Variants in CAD observed in about 807,000 individuals in gnomAD.
CAD encodes the protein multifunctional protein CAD.
A neutral mutation model predicts 237.2 loss-of-function variants in CAD; 81 were observed. The ratio of observed to expected loss-of-function variants is 0.34; its 90% confidence interval spans 0.29 to 0.41. The LOEUF is 0.41. Among genes scored for constraint, CAD ranks in the 10% least tolerant of loss-of-function variants. The probability of loss-of-function intolerance (pLI) is 1.00; values close to 1 mark genes in which losing one functional copy is unlikely to be tolerated. For synonymous variants in CAD, 1,196 were observed against 1,162.8 expected (o/e 1.03, Z -0.58); for missense variants, 2,181 against 2,951.7 (o/e 0.74, Z 6.05).
chr2:27,239,831 G>A lies in CAD; in HGVS notation c.5496+33G>A. 1 of 1,440,490 alleles carries A rather than the reference G, an allele frequency of 6.9e-7. No homozygotes were observed. The highest frequency in any genetic ancestry group is 9.4e-7 in the Non-Finnish European group (1 of 1,067,070). The allele number at this position is 1,440,490 out of a possible 1,614,324, so 89.2% of individuals were successfully genotyped here. A position where few individuals can be genotyped will look rare whatever the true frequency, so the allele number is the denominator to read the frequency against. The stretch of plus-strand genomic sequence containing the variant: ...CACTACTGGGCTAGGGGGCTGGGAG[G>A]TGTTAGTCTCAGGGCAGGATGAACA... On this transcript the variant is annotated intron_variant, in intron 34 of 43. Coordinates refer to ENST00000264705, the MANE Select transcript of CAD (RefSeq NM_004341.5). The surrounding 1 kb of genome is among the most constrained non-coding windows in gnomAD (Gnocchi z 4.0).
chr2:27,233,887 A>G lies in CAD; in HGVS notation c.3399+79A>G, dbSNP rs1675881784. On this transcript the variant is annotated intron_variant, in intron 21 of 43. Transcript: ENST00000264705. The surrounding 1 kb of genome is among the most constrained non-coding windows in gnomAD (Gnocchi z 6.3). ...AGACTTCCTTCTCTGGTCCAGCAGA[A>G]TCATAGGCACCAGGGCTGGGAACAG... 6.4e-7 allele frequency: 1 copy of G among 1,569,342 alleles called. No individual in the cohort carries two copies. Among genetic ancestry groups the G allele is most frequent in the Non-Finnish European group, 8.7e-7 (1 of 1,144,514 alleles).
At chr2:27,229,277 T>C (rs1675606950) in intron 15 of CAD, among the ~76,000 whole-genome samples, 1 of 148,806 alleles carries the variant, frequency 6.7e-6, no homozygotes, top group Non-Finnish European at 1.5e-5. Context: ...TTATGAAAAC[T>C]TTTTTTTTTA....
At chr2:27,221,412 T>C (rs1377974237) in intron 3 of CAD, 65 bp downstream of exon 3, 13 of 1,357,416 alleles carry the variant, frequency 9.6e-6, no homozygotes, top group Non-Finnish European at 1.2e-5. Context: ...AGAATCAAGG[T>C]TTCTGTAATC....
At chr2:27,228,232 G>A (rs190585135) in intron 15 of CAD, among the ~76,000 whole-genome samples, 46 of 152,260 alleles carry the variant, frequency 3.0e-4, no homozygotes, top group Admixed American at 2.6e-3. Context: ...GAGAAAAGAC[G>A]GTTCCTCTCA....
chr2:27,243,061 A>G (rs1483774718), intron 42 of CAD, 88 bp downstream of exon 42: 2 of 1,359,072 alleles, frequency 1.5e-6, no homozygotes, highest in Admixed American at 1.8e-5. Context: ...GGGCTGGGTC[A>G]GAGCTGTTAA....
intron 15 of CAD, among the ~76,000 whole-genome samples, chr2:27,230,328 G>A (rs76178084): frequency 6.6e-6 from 1 of 151,820 alleles, no homozygotes; most frequent in African/African-American, 2.4e-5. Context: ...TTATATGTAT[G>A]CTGTGATGAT....
At position 27,233,864 on chromosome 2, in the gene CAD, A is replaced by G; in HGVS notation, c.3399+56A>G. 6.3e-7 allele frequency: 1 copy of G among 1,592,746 alleles called. No homozygotes were observed. Among genetic ancestry groups the G allele is most frequent in the Non-Finnish European group, 8.6e-7 (1 of 1,164,174 alleles). ...GGGCATGCTGCCAGCCCTGGAGGAG[A>G]CTTCCTTCTCTGGTCCAGCAGAATC... On this transcript the variant is annotated intron_variant, in intron 21 of 43. Coordinates refer to ENST00000264705, the MANE Select transcript of CAD (RefSeq NM_004341.5). The surrounding 1 kb of genome is among the most constrained non-coding windows in gnomAD (Gnocchi z 6.3).
At position 27,236,958 on chromosome 2, in the gene CAD, A is replaced by AATGTTTC; in HGVS notation, c.4396+129_4396+135dup. 1 of 770,848 alleles carries AATGTTTC rather than the reference A, an allele frequency of 1.3e-6. No individual in the cohort carries two copies. Among genetic ancestry groups the AATGTTTC allele is most frequent in the South Asian group, 1.5e-5 (1 of 68,528 alleles). The allele number at this position is 770,848 out of a possible 1,614,324, so 47.8% of individuals were successfully genotyped here. On this transcript the variant is annotated intron_variant, in intron 27 of 43. Coordinates refer to ENST00000264705, the MANE Select transcript of CAD (RefSeq NM_004341.5). The surrounding 1 kb of genome is among the most constrained non-coding windows in gnomAD (Gnocchi z 4.1). ...ACTGCACAGACTGTGAAGACCCCAG[A>AATGTTTC]ATGTTTCTCACTCTTTCATTCCTTA...
rs1491358907 is a variant in CAD at position 27,221,780 on chromosome 2, T to TTTTTTTTTTTTTA, written c.353-414_353-413insTTTTTTTTTTTTA. Among the ~76,000 whole-genome samples, 3 of 118,846 alleles carry TTTTTTTTTTTTTA rather than the reference T, an allele frequency of 2.5e-5. 1 individual carries two copies. The highest frequency in any genetic ancestry group is 1.1e-4 in the African/African-American group (3 of 28,098). The allele number at this position is 118,846 out of a possible 152,430, so 78.0% of individuals were successfully genotyped here. On this transcript the variant is annotated intron_variant, in intron 3 of 43. Transcript: ENST00000264705. Reference sequence around the variant, plus strand: ...TTTTTTTTTTTTTTTTTTTTTTTTTTCTGTTCATTTGAATCTTGCTCTAAA... The same window carrying TTTTTTTTTTTTTA: ...TTTTTTTTTTTTTTTTTTTTTTTTTTTTTTTTTTTTTTACTGTTCATTTGAATCTTGCTCTAAA...
chr2:27,225,594 G>A (rs1468053452), intron 11 of CAD, 111 bp from the exon 12 acceptor site: 10 of 825,236 alleles, frequency 1.2e-5, no homozygotes, highest in Non-Finnish European at 1.9e-5. Flanking sequence ...TTACAGGCGT[G>A]AGCCACTATG....
chr2:27,243,363 C>A, intron 43 of CAD, 53 bp from the exon 44 acceptor site: 1 of 1,598,592 alleles, frequency 6.3e-7, no homozygotes, highest in Non-Finnish European at 8.6e-7. Flanking sequence ...CTGGACAAGC[C>A]ATCCATGGGC....
chr2:27,218,772 CAT>C (rs1167675232), intron 2 of CAD, among the ~76,000 whole-genome samples: 1 of 152,104 alleles, frequency 6.6e-6, no homozygotes, highest in Non-Finnish European at 1.5e-5. Flanking sequence ...AAAAACCCAA[CAT>C]ATAGTAATTA....
intron 15 of CAD, among the ~76,000 whole-genome samples, chr2:27,228,668 C>G (rs1240155996): frequency 6.6e-6 from 1 of 151,078 alleles, no homozygotes; most frequent in Non-Finnish European, 1.5e-5. Context: ...CTCGGCTCAC[C>G]ACAATCTCTG....
rs779602369 is a variant in CAD at position 27,241,874 on chromosome 2, A to G, written c.5884-37A>G. On this transcript the variant is annotated intron_variant, in intron 38 of 43. Transcript: ENST00000264705. The surrounding 1 kb of genome is among the most constrained non-coding windows in gnomAD (Gnocchi z 4.6). ...TAGCTGGGGTTTCCCCAGGGTGGACACGCATACGTACACCTTCCATCTTGC... is the reference window on the plus strand; with the variant it reads ...TAGCTGGGGTTTCCCCAGGGTGGACGCGCATACGTACACCTTCCATCTTGC... 6 of 1,550,206 alleles carry G rather than the reference A, an allele frequency of 3.9e-6. No homozygotes were observed. Among genetic ancestry groups the G allele is most frequent in the Non-Finnish European group, 5.3e-6 (6 of 1,125,192 alleles).
rs539921015 is a variant in CAD, at chr2:27,242,447, T to A, written c.6222+20T>A. The A allele has an allele frequency of 6.2e-7, 1 of 1,609,682 alleles. No individual in the cohort carries two copies. Among genetic ancestry groups the A allele is most frequent in the Non-Finnish European group, 8.5e-7 (1 of 1,177,120 alleles). On this transcript the variant is annotated intron_variant, in intron 40 of 43. Coordinates refer to ENST00000264705, the MANE Select transcript of CAD (RefSeq NM_004341.5). This position sits in a 1 kb window ranked among gnomAD's most constrained non-coding sequence, Gnocchi z 6.4. ...ATGACGGTGAGGGTGGTGGCAGGGT[T>A]TGGATCCCTGCCAGGGGACGATCTA...
chr2:27,230,066 C>T lies in CAD; in HGVS notation c.2288-1402C>T, dbSNP rs375924894. ...CAGCCTGGCCAACATGGTGAAACCC[C>T]GTCTCTACTAAAAATACAAAAATTA... On this transcript the variant is annotated intron_variant, in intron 15 of 43. Transcript: ENST00000264705. 7.3e-5 allele frequency among the ~76,000 whole-genome samples: 11 copies of T among 150,700 alleles called. No individual in the cohort carries two copies. The East Asian group carries it at 7.9e-4, about 11-fold the overall frequency.
rs960477088 is a variant in CAD at position 27,241,551 on chromosome 2, C to G, written c.5883+155C>G. Reference sequence around the variant, plus strand: ...CTCTGCTGCTGTAGATCTTCCCCCACGTTTTCCCTCCCCAAAGCAGGATTT... The same window carrying G: ...CTCTGCTGCTGTAGATCTTCCCCCAGGTTTTCCCTCCCCAAAGCAGGATTT... On this transcript the variant is annotated intron_variant, in intron 38 of 43. Coordinates refer to ENST00000264705, the MANE Select transcript of CAD (RefSeq NM_004341.5). The surrounding 1 kb of genome is among the most constrained non-coding windows in gnomAD (Gnocchi z 4.6). Among the ~76,000 whole-genome samples, 1 of 152,232 alleles carries G rather than the reference C, an allele frequency of 6.6e-6. No homozygotes were observed. Among genetic ancestry groups the G allele is most frequent in the Non-Finnish European group, 1.5e-5 (1 of 68,036 alleles).
intron 23 of CAD, 109 bp downstream of exon 23, chr2:27,234,794 C>CT: frequency 9.5e-7 from 1 of 1,054,264 alleles, no homozygotes; most frequent in Non-Finnish European, 1.4e-6. Context: ...AAGGCATTGC[C>CT]GGATCGTGGG....
In CAD at chr2:27,221,340, C is replaced by T. The variant is rs1053596501; in HGVS notation, c.345C>T (p.Gly115=). The change falls in exon 3 of 44, where the codon GGC becomes GGT. Residue 115 remains glycine, a synonymous_variant. Coordinates refer to ENST00000264705, the MANE Select transcript of CAD (RefSeq NM_004341.5). ...GGCTGCAGCAGCATGGCATCCCTGG[C>T]TTGCAAGGTATGGTGGCAAGCAGGG... ...HEWLQQHGIP[G]LQGVDTRELT... 2.5e-6 allele frequency: 4 copies of T among 1,572,364 alleles called. No individual in the cohort carries two copies. The African/African-American group carries it at 4.1e-5, about 16-fold the overall frequency.
Sources: gnomAD v4.1 joint callset for allele counts (sites outside exome capture counted in the v4.1 genomes callset) on GRCh38, gnomAD v4.1.1 for gene constraint, Gnocchi (gnomAD v3.1) non-coding constraint, MANE v1.5 for transcripts, NCBI Gene and HGNC (gene_info 2026-07-23, HGNC 2026-07-21) for gene names.